Variants in NBEA observed in about 807,000 individuals in gnomAD.
NBEA encodes the protein lysosomal-trafficking regulator 2.
Under a neutral mutation model 343.4 loss-of-function variants are expected in NBEA, and 44 were observed. That is an observed-to-expected ratio of 0.13 (90% CI 0.10 to 0.16). The LOEUF (loss-of-function observed/expected upper bound fraction) is 0.16, where lower values mean the gene tolerates loss of function less well. Among genes scored for constraint, NBEA ranks in the 10% least tolerant of loss-of-function variants. The pLI is 1.00. For synonymous variants in NBEA, 1,175 were observed against 1,238.7 expected (o/e 0.95, Z 1.08); for missense variants, 2,555 against 3,631.3 (o/e 0.70, Z 7.62).
chr13:35,403,530 G>T, intron 38 of NBEA, among the ~76,000 whole-genome samples: 1 of 152,038 alleles, frequency 6.6e-6, no homozygotes, highest in Admixed American at 6.6e-5. Context: ...AATAAATGGT[G>T]CTGGGAAAAC....
intron 41 of NBEA, among the ~76,000 whole-genome samples, chr13:35,480,058 G>GAAA (rs35107997): frequency 1.7e-4 from 23 of 136,324 alleles, no homozygotes; most frequent in Middle Eastern, 4.0e-3. Context: ...TACCAGTTAG[G>GAAA]AAAAAAAAAA....
At chr13:35,308,516 ATATATG>A (rs1489442379) in intron 35 of NBEA, among the ~76,000 whole-genome samples, 2 of 123,796 alleles carry the variant, frequency 1.6e-5, no homozygotes, top group Admixed American at 9.1e-5. Context: ...ATATATGTGT[ATATATG>A]TATATATATG....
At chr13:35,354,611 A>T (rs992988650) in intron 38 of NBEA, among the ~76,000 whole-genome samples, 1 of 152,106 alleles carries the variant, frequency 6.6e-6, no homozygotes, top group Non-Finnish European at 1.5e-5. Flanking sequence ...CTGAAAAAAA[A>T]ACCACAATAT....
In NBEA at chr13:35,175,915, G is replaced by A. The variant is rs1057467398; in HGVS notation, c.4555-1081G>A. ...TCTCCTATCATGTTGTCTTTATAAG[G>A]ATCAAATTAGATTAGGGGTAGAGAA... is the stretch of plus-strand genomic sequence containing the variant. On this transcript the variant is annotated intron_variant, in intron 27 of 58. Coordinates refer to ENST00000379939, the MANE Select transcript of NBEA (RefSeq NM_001385012.1). Among the ~76,000 whole-genome samples the A allele has an allele frequency of 2.6e-5, 4 of 151,930 alleles. 1 individual carries two copies. The South Asian group carries it at 8.3e-4, about 32-fold the overall frequency.
chr13:35,417,863 G>A (rs888976860), intron 38 of NBEA, among the ~76,000 whole-genome samples: 1 of 151,992 alleles, frequency 6.6e-6, no homozygotes, highest in Non-Finnish European at 1.5e-5. Flanking sequence ...TTATTGTGTG[G>A]GATTTTAAGT....
rs1392060462 is a variant in NBEA at position 35,159,421 on chromosome 13, G to A, written c.3250G>A (p.Gly1084Arg). The change falls in exon 22 of 59, where the codon GGA (glycine) becomes AGA (arginine). Residue 1084 changes from glycine to arginine, a missense_variant. Gly to Arg is a moderately radical substitution (Grantham distance 125, BLOSUM62 -2). This residue lies in a region of NBEA where 367 missense variants were observed against 377.5 expected (regional missense o/e 0.97). Transcript: ENST00000379939. ...MDLSPETLVG[G>R]ENGALVEVES... ...TTTATCACCGGAGACTTTAGTAGGT[G>A]GAGAGAATGGTGCCCTTGTGGAGGT... 3 of 1,613,286 alleles carry A rather than the reference G, an allele frequency of 1.9e-6. No homozygotes were observed. Among genetic ancestry groups the A allele is most frequent in the African/African-American group, 2.7e-5 (2 of 74,860 alleles).
chr13:35,567,443 G>T (rs2080185943), intron 45 of NBEA, among the ~76,000 whole-genome samples: 1 of 152,182 alleles, frequency 6.6e-6, no homozygotes, highest in Non-Finnish European at 1.5e-5. Context: ...CCAAGTGTCT[G>T]TCTATATATG....
chr13:35,631,638 T>TAAAAAAAAAAAAAAAAAAAA (rs59333937), intron 49 of NBEA, among the ~76,000 whole-genome samples: 9 of 126,460 alleles, frequency 7.1e-5, no homozygotes, highest in African/African-American at 2.8e-4. Flanking sequence ...GTCTCCTTTG[T>TAAAAAAAAAAAAAAAAAAAA]AAAAAAAAAA....
intron 38 of NBEA, among the ~76,000 whole-genome samples, chr13:35,355,799 C>T (rs2040459276): frequency 1.3e-5 from 2 of 151,810 alleles, no homozygotes; most frequent in Admixed American, 1.3e-4. Context: ...TTTCTTCAGG[C>T]CTTAATTCCA....
At chr13:35,440,910 C>T (rs1302286907) in intron 39 of NBEA, among the ~76,000 whole-genome samples, 2 of 152,092 alleles carry the variant, frequency 1.3e-5, no homozygotes, top group Non-Finnish European at 1.5e-5. Context: ...ATTTGGTTGG[C>T]GCTTACAGCC....
chr13:35,139,286 C>T (rs2067936937), intron 17 of NBEA, among the ~76,000 whole-genome samples: 1 of 151,990 alleles, frequency 6.6e-6, no homozygotes, highest in African/African-American at 2.4e-5. Context: ...GTCTTGAACT[C>T]CTGACCTCAA....
chr13:35,599,058 G>A (rs894296251), intron 47 of NBEA, among the ~76,000 whole-genome samples: 1 of 152,104 alleles, frequency 6.6e-6, no homozygotes, highest in Non-Finnish European at 1.5e-5. Flanking sequence ...ATGCTTATTA[G>A]GTACTTGTTC....
intron 41 of NBEA, among the ~76,000 whole-genome samples, chr13:35,515,550 C>T (rs748989364): frequency 6.6e-6 from 1 of 152,124 alleles, no homozygotes; most frequent in African/African-American, 2.4e-5. Context: ...TTATAAAATA[C>T]CAAAATGGTT....
intron 38 of NBEA, among the ~76,000 whole-genome samples, chr13:35,413,396 C>G (rs945339138): frequency 3.3e-5 from 5 of 152,096 alleles, no homozygotes; most frequent in Non-Finnish European, 7.4e-5. Flanking sequence ...GTTTACTTCA[C>G]TCTTTCCTCT....
intron 47 of NBEA, among the ~76,000 whole-genome samples, chr13:35,600,603 A>G (rs1166120061): frequency 6.6e-6 from 1 of 152,216 alleles, no homozygotes; most frequent in African/African-American, 2.4e-5. Context: ...TATGAAATGT[A>G]TTGTTTTATA....
At chr13:35,274,689 A>G (rs1049936391) in intron 34 of NBEA, among the ~76,000 whole-genome samples, 19 of 152,220 alleles carry the variant, frequency 1.2e-4, no homozygotes, top group African/African-American at 4.1e-4. Context: ...ATCAATGTGC[A>G]AAAATCACAA....
chr13:35,548,725 A>G (rs986560768), intron 41 of NBEA, among the ~76,000 whole-genome samples: 5 of 152,162 alleles, frequency 3.3e-5, no homozygotes, highest in Non-Finnish European at 7.4e-5. Context: ...ATCCTGTATC[A>G]CTATCCCTTT....
intron 33 of NBEA, among the ~76,000 whole-genome samples, chr13:35,231,540 T>A (rs2074974229): frequency 6.6e-6 from 1 of 152,134 alleles, no homozygotes; most frequent in Non-Finnish European, 1.5e-5. Flanking sequence ...TTGGTTTGTT[T>A]AATGTATCAG....
intron 34 of NBEA, among the ~76,000 whole-genome samples, chr13:35,275,439 C>T (rs553502099): frequency 1.6e-4 from 24 of 152,282 alleles, no homozygotes; most frequent in African/African-American, 5.5e-4. Flanking sequence ...AGGACATAGG[C>T]ATGGGCAAGG....
Sources: gnomAD v4.1 joint callset for allele counts (sites outside exome capture counted in the v4.1 genomes callset) on GRCh38, gnomAD v4.1.1 for gene constraint, gnomAD v4.1.1 regional missense constraint, MANE v1.5 for transcripts, NCBI Gene and HGNC (gene_info 2026-07-23, HGNC 2026-07-21) for gene names.